RANBP17: variants seen among roughly 807,000 people sequenced by gnomAD.
RANBP17 encodes the protein RAN binding protein 17, also known as ran-binding protein 17.
A neutral mutation model predicts 141.2 loss-of-function variants in RANBP17; 158 were observed. The observed-to-expected ratio is 1.12, with a 90% CI of 0.98 to 1.28. RANBP17 has a LOEUF of 1.28. Among genes scored for constraint, RANBP17 ranks in the 50% most tolerant of loss-of-function variants. The pLI is 0.00. For missense variants in RANBP17, 1,438 were observed against 1,290.7 expected, an observed-to-expected ratio of 1.11 and a Z score of -1.75; for synonymous variants, 430 against 450.0, an observed-to-expected ratio of 0.96 and a Z score of 0.56.
At chr5:171,068,923 T>C (rs1784473464) in intron 14 of RANBP17, among the ~76,000 whole-genome samples, 1 of 152,184 alleles carries the variant, frequency 6.6e-6, no homozygotes, top group Non-Finnish European at 1.5e-5. Context: ...GTTACTCGTT[T>C]ATTTAGTAAC....
At chr5:170,962,477 A>G (rs998103798) in intron 13 of RANBP17, among the ~76,000 whole-genome samples, 4 of 152,248 alleles carry the variant, frequency 2.6e-5, no homozygotes, top group Admixed American at 1.3e-4. Flanking sequence ...GAGTAGGAGA[A>G]GGGAGATCCT....
intron 14 of RANBP17, among the ~76,000 whole-genome samples, chr5:171,166,506 C>A (rs1759709850): frequency 6.7e-6 from 1 of 150,360 alleles, no homozygotes; most frequent in African/African-American, 2.4e-5. Context: ...ATGGTTTCTT[C>A]TTGGTGTCAT....
At chr5:171,129,565 T>C (rs1282076357) in intron 14 of RANBP17, among the ~76,000 whole-genome samples, 1 of 152,186 alleles carries the variant, frequency 6.6e-6, no homozygotes, top group East Asian at 1.9e-4. Context: ...TGGCTAGGCA[T>C]TGCAGCTTCA....
At chr5:170,952,427 C>G (rs534244842) in intron 12 of RANBP17, among the ~76,000 whole-genome samples, 2 of 151,992 alleles carry the variant, frequency 1.3e-5, no homozygotes, top group South Asian at 4.1e-4. Context: ...TGAATACTTG[C>G]CAGGTTAGAT....
intron 14 of RANBP17, among the ~76,000 whole-genome samples, chr5:171,060,668 C>A (rs1783765583): frequency 1.3e-5 from 2 of 152,150 alleles, no homozygotes; most frequent in African/African-American, 4.8e-5. Context: ...CAGGATGATG[C>A]TGGCCTCATA....
At chr5:171,062,974 C>G (rs1784006742) in intron 14 of RANBP17, among the ~76,000 whole-genome samples, 1 of 152,164 alleles carries the variant, frequency 6.6e-6, no homozygotes, top group South Asian at 2.1e-4. Flanking sequence ...CTTCTGCATT[C>G]TTCACGTAGT....
At chr5:171,072,003 A>G (rs1012895520) in intron 14 of RANBP17, among the ~76,000 whole-genome samples, 23 of 152,168 alleles carry the variant, frequency 1.5e-4, no homozygotes, top group Non-Finnish European at 5.9e-5. Flanking sequence ...AGTGACTTGG[A>G]TTATCCAAAA....
Position 170,911,084 on chromosome 5 carries a change from A to C in RANBP17, c.710A>C (p.Glu237Ala). The part of the protein sequence containing the change: ...NFDFIGSSAD[E>A]SADDLCTVQI... ...GACTTCATTGGCAGTTCAGCAGATG[A>C]ATCTGCAGATGATCTTTGCACGGTG... The change falls in exon 7 of 28, where the codon GAA becomes GCA. Residue 237 changes from glutamate (E) to alanine (A), a missense_variant. Transcript: ENST00000523189. The C allele has an allele frequency of 1.2e-6, 2 of 1,611,894 alleles. No individual in the cohort carries two copies. The highest frequency in any genetic ancestry group is 1.3e-5 in the African/African-American group (1 of 74,880).
intron 20 of RANBP17, among the ~76,000 whole-genome samples, chr5:171,211,366 A>G (rs1762873570): frequency 6.6e-6 from 1 of 151,910 alleles, no homozygotes; most frequent in Non-Finnish European, 1.5e-5. Context: ...GGTTCAAGCA[A>G]TTCTTGTGCC....
At chr5:170,951,617 C>A (rs531474642) in intron 12 of RANBP17, among the ~76,000 whole-genome samples, 1 of 152,022 alleles carries the variant, frequency 6.6e-6, no homozygotes, top group Non-Finnish European at 1.5e-5. Context: ...AGAATGACAG[C>A]TAGTATGAAA....
intron 14 of RANBP17, among the ~76,000 whole-genome samples, chr5:171,159,545 G>A (rs1409780294): frequency 1.3e-5 from 2 of 152,124 alleles, no homozygotes; most frequent in African/African-American, 4.8e-5. Context: ...ATGCCCCTTG[G>A]GAGCCCATCA....
chr5:171,191,057 A>G (rs987271157), intron 18 of RANBP17, among the ~76,000 whole-genome samples: 1 of 152,220 alleles, frequency 6.6e-6, no homozygotes, highest in African/African-American at 2.4e-5. Flanking sequence ...AATGATGTTT[A>G]TGGATGTAAA....
rs565111865 is a variant in RANBP17, at chr5:171,057,603, A to G, written c.1710+89226A>G. On this transcript the variant is annotated intron_variant, in intron 14 of 27. Coordinates refer to ENST00000523189, the MANE Select transcript of RANBP17 (RefSeq NM_022897.5). Reference sequence around the variant, plus strand: ...ATACTGTACGAATAACTTTGTGATTATGTATTTATTAGTCTGTTCTCAACT... The same window carrying G: ...ATACTGTACGAATAACTTTGTGATTGTGTATTTATTAGTCTGTTCTCAACT... Among the ~76,000 whole-genome samples the G allele has an allele frequency of 1.8e-3, 270 of 152,250 alleles. 1 individual carries two copies. The highest frequency in any genetic ancestry group is 3.4e-3 in the Middle Eastern group (1 of 294).
chr5:170,910,941 G>A (rs745458797), intron 6 of RANBP17, 28 bp from the exon 7 acceptor site: 1 of 1,602,018 alleles, frequency 6.2e-7, no homozygotes, highest in Non-Finnish European at 8.5e-7. Flanking sequence ...ATTTCGCAGT[G>A]TTTTCTTTGA....
chr5:170,914,849 A>G (rs1452399547), intron 8 of RANBP17, among the ~76,000 whole-genome samples: 1 of 152,172 alleles, frequency 6.6e-6, no homozygotes, highest in East Asian at 1.9e-4. Flanking sequence ...CAAGGTTATT[A>G]AAAATTGTAA....
chr5:170,909,535 A>AT (rs1210402467), intron 5 of RANBP17, 126 bp from the exon 6 acceptor site: 6 of 576,298 alleles, frequency 1.0e-5, no homozygotes, highest in Middle Eastern at 9.2e-4. Context: ...AGAACATTAA[A>AT]TTGAAACAGT....
chr5:170,902,733 T>C (rs1284612126), intron 5 of RANBP17, among the ~76,000 whole-genome samples: 1 of 152,240 alleles, frequency 6.6e-6, no homozygotes, highest in Non-Finnish European at 1.5e-5. Context: ...TTGGTGTTGA[T>C]GCTATTGCTT....
At chr5:171,176,092 G>C (rs1455221130) in intron 16 of RANBP17, among the ~76,000 whole-genome samples, 1 of 152,002 alleles carries the variant, frequency 6.6e-6, no homozygotes, top group Non-Finnish European at 1.5e-5. Flanking sequence ...CCTTCCATTT[G>C]GCCTCAGACT....
intron 14 of RANBP17, among the ~76,000 whole-genome samples, chr5:171,093,708 G>A (rs1029663844): frequency 1.4e-4 from 21 of 152,164 alleles, no homozygotes; most frequent in African/African-American, 4.1e-4. Flanking sequence ...ATCAGATTAA[G>A]TATGTATGTA....
Sources: allele counts gnomAD v4.1 joint callset (sites outside exome capture counted in the v4.1 genomes callset), GRCh38; gene constraint gnomAD v4.1.1; transcripts MANE v1.5; gene names NCBI Gene and HGNC (gene_info 2026-07-23, HGNC 2026-07-21).